LEUTX: variants seen among roughly 807,000 people sequenced by gnomAD.
LEUTX encodes paired-like homeodomain transcription factor LEUTX.
A neutral mutation model predicts 4.5 loss-of-function variants in LEUTX; 5 were observed. That is an observed-to-expected ratio of 1.11 (90% CI 0.58 to 2.34). LEUTX has a LOEUF of 2.34. LEUTX is among the 30% of genes most tolerant of loss of function. LEUTX has a pLI of 0.01. For missense variants in LEUTX, 233 were observed against 239.4 expected (o/e 0.97, Z 0.18); for synonymous variants, 89 against 85.1 (o/e 1.05, Z -0.25).
upstream of LEUTX, among the ~76,000 whole-genome samples, chr19:39,777,350 A>G (rs1275122029): frequency 6.6e-6 from 1 of 152,136 alleles, no homozygotes; most frequent in African/African-American, 2.4e-5. Flanking sequence ...AGTGAGTTCT[A>G]TTTTTGTAAA....
chr19:39,782,567 C>G (rs1233049058), intron 1 of LEUTX, among the ~76,000 whole-genome samples: 2 of 152,050 alleles, frequency 1.3e-5, no homozygotes, highest in Admixed American at 1.3e-4. Context: ...GCATGAGAAA[C>G]AGAAAGATGT....
chr19:39,778,064 G>A (rs894753393), upstream of LEUTX, among the ~76,000 whole-genome samples: 26 of 151,720 alleles, frequency 1.7e-4, no homozygotes, highest in African/African-American at 6.3e-4. Flanking sequence ...ATAGAGACTA[G>A]ATCTGTCTAG....
At chr19:39,777,537 G>T (rs886828781), upstream of LEUTX, among the ~76,000 whole-genome samples, 2 of 152,168 alleles carry the variant, frequency 1.3e-5, no homozygotes, top group East Asian at 3.8e-4. Context: ...TAGTGTCATA[G>T]GGCAACTCCA....
chr19:39,781,841 C>T (rs1307521981), intron 1 of LEUTX, among the ~76,000 whole-genome samples: 3 of 152,174 alleles, frequency 2.0e-5, no homozygotes. Flanking sequence ...AACACATGCA[C>T]CAAGCCTGTA....
chr19:39,784,663 T>C lies in LEUTX; in HGVS notation c.144T>C (p.Asp48=). 1 of 1,551,610 alleles carries C rather than the reference T, an allele frequency of 6.4e-7. No individual in the cohort carries two copies. Among genetic ancestry groups the C allele is most frequent in the Non-Finnish European group, 8.7e-7 (1 of 1,146,908 alleles). Residue 48 remains aspartate, a synonymous_variant, in exon 2 of 3, where the codon GAT becomes GAC. Transcript: ENST00000638280. ...MGKLASKLQL[D]LSVVKIWFKN... ...AACTGGCTTCAAAGCTACAACTTGA[T>C]CTATCCGTAGTAAAGGTCTGTTCCC...
upstream of LEUTX, among the ~76,000 whole-genome samples, chr19:39,778,047 C>A (rs542373428): frequency 6.1e-4 from 92 of 152,024 alleles, no homozygotes; most frequent in Admixed American, 1.6e-3. Context: ...GAGGCCATAT[C>A]TCATGGATAG....
Position 39,785,922 on chromosome 19 carries a change from C to T in LEUTX, c.384C>T (p.Ser128=), listed in dbSNP as rs147098601. Residue 128 remains serine (S), a synonymous_variant, in exon 3 of 3, where the codon AGC becomes AGT. Transcript: ENST00000638280. The part of the protein sequence containing the change: ...PSGIKNPGGA[S]ASARVSSWDS... ...GTATCAAGAATCCTGGAGGAGCCAG[C>T]GCCTCTGCGAGGGTTTCATCCTGGG... 1.6e-5 allele frequency: 25 copies of T among 1,551,754 alleles called. No homozygotes were observed. The African/African-American group carries it at 1.9e-4, about 12-fold the overall frequency.
chr19:39,783,109 T>C (rs1272087398), intron 1 of LEUTX, among the ~76,000 whole-genome samples: 1 of 151,660 alleles, frequency 6.6e-6, no homozygotes, highest in Non-Finnish European at 1.5e-5. Flanking sequence ...TAGCTCCCAC[T>C]TATGAGTGTG....
intron 2 of LEUTX, 107 bp downstream of exon 2, chr19:39,784,785 A>G: frequency 1.3e-6 from 1 of 773,224 alleles, no homozygotes; most frequent in South Asian, 1.9e-5. Context: ...GCTATGTGTA[A>G]GGACAGATGT....
upstream of LEUTX, chr19:39,776,604 G>A (rs1258969623): frequency 1.1e-5 from 5 of 456,258 alleles, no homozygotes; most frequent in South Asian, 7.7e-5. Context: ...ACTGCACACG[G>A]TTTTCAGCCT....
At chr19:39,779,340 T>C (rs1478523027) in intron 1 of LEUTX, among the ~76,000 whole-genome samples, 1 of 152,208 alleles carries the variant, frequency 6.6e-6, no homozygotes, top group East Asian at 1.9e-4. Context: ...CTGGTAACTT[T>C]CATACTTTTT....
At chr19:39,778,073 AGTG>A (rs1452177829), upstream of LEUTX, among the ~76,000 whole-genome samples, 2,684 of 152,174 alleles carry the variant, frequency 0.018, 82 homozygotes, top group African/African-American at 0.059. Flanking sequence ...AGATCTGTCT[AGTG>A]AATTACACTC....
At chr19:39,781,169 A>G (rs974989997) in intron 1 of LEUTX, among the ~76,000 whole-genome samples, 1 of 151,662 alleles carries the variant, frequency 6.6e-6, no homozygotes, top group Non-Finnish European at 1.5e-5. Flanking sequence ...AATGTCCTGT[A>G]AATTTTTGTT....
Position 39,785,070 on chromosome 19 carries a change from T to C in LEUTX, c.159+392T>C, listed in dbSNP as rs1254790108. ...CCTGTCACTAAGTTCCCACAAAGTA[T>C]TCATGGGAGAACACCTGGATGAACC... On this transcript the variant is annotated intron_variant, in intron 2 of 2. Coordinates refer to ENST00000638280, the MANE Select transcript of LEUTX (RefSeq NM_001382345.1). 2.6e-5 allele frequency among the ~76,000 whole-genome samples: 4 copies of C among 152,150 alleles called. No homozygotes were observed. The South Asian group carries it at 8.3e-4, about 31-fold the overall frequency.
At position 39,786,114 on chromosome 19, in the gene LEUTX, C is replaced by T. The variant is rs571718226; in HGVS notation, c.576C>T (p.Asp192=). ...QYLFPVCLEY[D]QLQSSV is the part of the protein sequence containing the mutation. ...TTTTTCCAGTATGCCTTGAGTATGA[C>T]CAGCTCCAATCTTCAGTGTAACTTC... Residue 192 remains aspartate, a synonymous_variant, in exon 3 of 3, where the codon GAC becomes GAT. Transcript: ENST00000638280. The T allele has an allele frequency of 6.5e-7, 1 of 1,535,656 alleles. No individual in the cohort carries two copies. The highest frequency in any genetic ancestry group is 1.2e-5 in the South Asian group (1 of 80,676).
At chr19:39,780,699 C>T (rs1967872630) in intron 1 of LEUTX, among the ~76,000 whole-genome samples, 1 of 152,046 alleles carries the variant, frequency 6.6e-6, no homozygotes, top group South Asian at 2.1e-4. Context: ...TCCAACTCTT[C>T]TATTATTGCC....
chr19:39,778,217 A>T (rs769296998), upstream of LEUTX, among the ~76,000 whole-genome samples: 2 of 152,210 alleles, frequency 1.3e-5, no homozygotes, highest in Non-Finnish European at 2.9e-5. Flanking sequence ...AGAGGAAAGA[A>T]AGAAGCATGA....
In LEUTX at chr19:39,785,700, C is replaced by T. The variant is rs954443066; in HGVS notation, c.162C>T (p.Ile54=). ...CCTCCCCCCTCCTCCCTCCTTAGAT[C>T]TGGTTCAAGAACCAGCGTGCCAAAT... ...KLQLDLSVVK[I]WFKNQRAKWK... Residue 54 remains isoleucine, a splice_region_variant and synonymous_variant, in exon 3 of 3, where the codon ATC becomes ATT. Coordinates refer to ENST00000638280, the MANE Select transcript of LEUTX (RefSeq NM_001382345.1). 4 of 1,551,424 alleles carry T rather than the reference C, an allele frequency of 2.6e-6. No homozygotes were observed. The highest frequency in any genetic ancestry group is 4.9e-5 in the East Asian group (2 of 40,924).
upstream of LEUTX, chr19:39,776,501 G>C (rs113789073): frequency 3.6e-3 from 1,543 of 426,920 alleles, 23 homozygotes; most frequent in African/African-American, 0.028. Context: ...TGGGGCGTAT[G>C]AGAGAAGCCT....
Sources: allele counts gnomAD v4.1 joint callset (sites outside exome capture counted in the v4.1 genomes callset), GRCh38; gene constraint gnomAD v4.1.1; transcripts MANE v1.5; gene names NCBI Gene and HGNC (gene_info 2026-07-23, HGNC 2026-07-21).